Variants in MCMBP observed in about 807,000 individuals in gnomAD.
MCMBP encodes minichromosome maintenance complex binding protein.
Under a neutral mutation model 81.3 loss-of-function variants are expected in MCMBP, and 31 were observed. The observed-to-expected ratio is 0.38, with a 90% CI of 0.29 to 0.51. The LOEUF (loss-of-function observed/expected upper bound fraction) is 0.51. MCMBP is among the 20% of genes least tolerant of loss of function. The probability of loss-of-function intolerance (pLI) is 0.87; values close to 1 mark genes in which losing one functional copy is unlikely to be tolerated. For missense variants in MCMBP, 645 were observed against 772.1 expected, an observed-to-expected ratio of 0.84 and a Z score of 1.95; for synonymous variants, 267 against 275.9, an observed-to-expected ratio of 0.97 and a Z score of 0.32.
At chr10:119,859,711 A>C in intron 2 of MCMBP, 88 bp downstream of exon 2, 1 of 787,248 alleles carries the variant, frequency 1.3e-6, no homozygotes, top group South Asian at 2.2e-5. Context: ...ACATATTTTT[A>C]AATTACATGT....
At chr10:119,858,297 C>G (rs1853123304) in intron 4 of MCMBP, 1 of 152,206 alleles carries the variant, frequency 6.6e-6, no homozygotes, top group Non-Finnish European at 1.5e-5. Context: ...AAATAAAAGA[C>G]TCATTCTAGG....
At position 119,831,086 on chromosome 10, in the gene MCMBP, C is replaced by T. The variant is rs1025291452; in HGVS notation, c.*388G>A. 7 of 156,632 alleles carry T rather than the reference C, an allele frequency of 4.5e-5. No individual in the cohort carries two copies. The highest frequency in any genetic ancestry group is 1.9e-4 in the East Asian group (1 of 5,324). 9.7% of individuals were successfully genotyped at this position (156,632 alleles called of 1,614,324 possible). A position where few individuals can be genotyped will look rare whatever the true frequency, so the allele number is the denominator to read the frequency against. On this transcript the variant is annotated 3_prime_UTR_variant, in exon 16 of 16. Coordinates refer to ENST00000369077, the MANE Select transcript of MCMBP (RefSeq NM_001256378.2). ...AGAGAACTAGAAAACATAAGAAATC[C>T]GAAGCACGATTCCTCTGACTTTGAA...
intron 6 of MCMBP, among the ~76,000 whole-genome samples, chr10:119,850,985 G>C (rs1852804435): frequency 6.8e-6 from 1 of 148,130 alleles, no homozygotes; most frequent in African/African-American, 2.5e-5. Context: ...CAATTCTCCT[G>C]CCTCAGTCTC....
intron 5 of MCMBP, among the ~76,000 whole-genome samples, chr10:119,853,454 A>T (rs1478148262): frequency 6.6e-6 from 1 of 152,242 alleles, no homozygotes; most frequent in Non-Finnish European, 1.5e-5. Context: ...AACAGGGAGC[A>T]TAAGGTTATG....
At chr10:119,854,877 C>T (rs1216175048) in intron 5 of MCMBP, among the ~76,000 whole-genome samples, 3 of 151,342 alleles carry the variant, frequency 2.0e-5, no homozygotes, top group South Asian at 2.1e-4. Flanking sequence ...TCACTTGAAC[C>T]CGGGAAGCGG....
chr10:119,831,308 C>A lies in MCMBP; in HGVS notation c.*166G>T. The A allele has an allele frequency of 1.7e-6, 1 of 596,692 alleles. No homozygotes were observed. The highest frequency in any genetic ancestry group is 3.2e-5 in the South Asian group (1 of 31,614). 37.0% of individuals were successfully genotyped at this position (596,692 alleles called of 1,614,324 possible). ...CCATGAAATCAGTAAGGTAAAAGTC[C>A]TTACTGAATATCATATAAACATCAG... On this transcript the variant is annotated 3_prime_UTR_variant, in exon 16 of 16. Coordinates refer to ENST00000369077, the MANE Select transcript of MCMBP (RefSeq NM_001256378.2).
In MCMBP at chr10:119,836,883, T is replaced by C; in HGVS notation, c.1542+13A>G. On this transcript the variant is annotated intron_variant, in intron 13 of 15. Transcript: ENST00000369077. Reference sequence around the variant, plus strand: ...ATGTCAACCTCCCTCCATTTAAAAATGACTCATCATACCGGGAGGAGTGAC... The same window carrying C: ...ATGTCAACCTCCCTCCATTTAAAAACGACTCATCATACCGGGAGGAGTGAC... 1 of 1,560,660 alleles carries C rather than the reference T, an allele frequency of 6.4e-7. No individual in the cohort carries two copies. The highest frequency in any genetic ancestry group is 2.3e-5 in the East Asian group (1 of 42,862).
At chr10:119,858,856 A>G in intron 4 of MCMBP, 28 bp downstream of exon 4, 7 of 1,510,588 alleles carry the variant, frequency 4.6e-6, no homozygotes, top group Non-Finnish European at 6.3e-6. Flanking sequence ...CTTACTAAAA[A>G]TGTTTCATAT....
rs536339367 is a variant in MCMBP, at chr10:119,859,423, A to T, written c.145-242T>A. ...TTTGACCACAATGTAAAAGAATGCT[A>T]AAAAATGCTTTTCATTCAGAACACT... On this transcript the variant is annotated intron_variant, in intron 2 of 15. Transcript: ENST00000369077. Among the ~76,000 whole-genome samples the T allele has an allele frequency of 1.1e-3, 170 of 152,326 alleles. 1 individual carries two copies. The highest frequency in any genetic ancestry group is 3.7e-3 in the African/African-American group (154 of 41,576).
chr10:119,863,151 T>C (rs572437814), intron 1 of MCMBP, among the ~76,000 whole-genome samples: 3 of 152,192 alleles, frequency 2.0e-5, no homozygotes, highest in Non-Finnish European at 2.9e-5. Context: ...AGGTTTTTAA[T>C]TTTGATGAAG....
chr10:119,872,666 C>A lies in MCMBP; in HGVS notation c.-82G>T. ...CGGCCGGGCGGCCGGCGCCCAGCTC[C>A]TCTTCAGCGGCTCGGCCGCTCCTCG... On this transcript the variant is annotated 5_prime_UTR_variant, in exon 1 of 16. The change creates a new upstream start codon in the 5' untranslated region. Coordinates refer to ENST00000369077, the MANE Select transcript of MCMBP (RefSeq NM_001256378.2). The A allele has an allele frequency of 1.4e-6, 1 of 732,198 alleles. No homozygotes were observed. The highest frequency in any genetic ancestry group is 5.2e-5 in the Admixed American group (1 of 19,112). 45.4% of individuals were successfully genotyped at this position (732,198 alleles called of 1,614,324 possible).
At chr10:119,860,196 A>T (rs1467174933) in intron 1 of MCMBP, among the ~76,000 whole-genome samples, 1 of 152,216 alleles carries the variant, frequency 6.6e-6, no homozygotes, top group Non-Finnish European at 1.5e-5. Flanking sequence ...AAGGCCACCT[A>T]GATTCAGCAG....
intron 8 of MCMBP, among the ~76,000 whole-genome samples, chr10:119,844,271 G>T (rs896676102): frequency 6.6e-6 from 1 of 152,196 alleles, no homozygotes; most frequent in Non-Finnish European, 1.5e-5. Context: ...TAAATCTGCA[G>T]ATGATAGATT....
intron 1 of MCMBP, among the ~76,000 whole-genome samples, chr10:119,869,145 C>T (rs1853574831): frequency 6.6e-6 from 1 of 152,198 alleles, no homozygotes; most frequent in African/African-American, 2.4e-5. Flanking sequence ...TTGACAGTAG[C>T]ATTGGAGATG....
At chr10:119,833,667 C>A (rs896812918) in intron 14 of MCMBP, among the ~76,000 whole-genome samples, 5 of 152,054 alleles carry the variant, frequency 3.3e-5, no homozygotes, top group Non-Finnish European at 5.9e-5. Context: ...TGAGACCCCA[C>A]TGACCAAATA....
At chr10:119,850,343 G>A (rs1852766252) in intron 6 of MCMBP, among the ~76,000 whole-genome samples, 1 of 152,194 alleles carries the variant, frequency 6.6e-6, no homozygotes, top group African/African-American at 2.4e-5. Context: ...GGACGGAGGA[G>A]GCAGGAGAGT....
intron 12 of MCMBP, among the ~76,000 whole-genome samples, chr10:119,837,507 C>A (rs1852287643): frequency 6.6e-6 from 1 of 152,186 alleles, no homozygotes; most frequent in Non-Finnish European, 1.5e-5. Flanking sequence ...CACTGGTAAA[C>A]AATCTGCTTT....
chr10:119,836,920 A>C lies in MCMBP; in HGVS notation c.1518T>G (p.Thr506=), dbSNP rs1169508684. 1 of 1,612,570 alleles carries C rather than the reference A, an allele frequency of 6.2e-7. No homozygotes were observed. The highest frequency in any genetic ancestry group is 2.2e-5 in the East Asian group (1 of 44,838). ...EFPCNINVFI[T]SEGRSLLPAD... is the part of the protein sequence containing the mutation. The stretch of plus-strand genomic sequence containing the variant: ...CCGGGAGGAGTGACCTCCCCTCCGA[A>C]GTAATGAAAACGTTAATATTGCAGG... Residue 506 remains threonine (T), a synonymous_variant, in exon 13 of 16, where the codon ACT becomes ACG. Coordinates refer to ENST00000369077, the MANE Select transcript of MCMBP (RefSeq NM_001256378.2).
chr10:119,843,349 G>C lies in MCMBP; in HGVS notation c.905C>G (p.Ser302Ter). The C allele has an allele frequency of 6.2e-7, 1 of 1,614,100 alleles. No homozygotes were observed. Among genetic ancestry groups the C allele is most frequent in the Non-Finnish European group, 8.5e-7 (1 of 1,179,976 alleles). ...EEQRVHSPPA[S>*]LVPRIHVILA... The stretch of plus-strand genomic sequence containing the variant: ...GATCACATGAATTCTCGGCACTAAT[G>C]AAGCAGGAGGACTGTGTACTCTCTG... The change falls in exon 9 of 16, where the codon TCA (serine) becomes TGA (stop). Residue 302 changes from serine (S) to a stop codon, truncating the protein, a stop_gained. Coordinates refer to ENST00000369077, the MANE Select transcript of MCMBP (RefSeq NM_001256378.2). LOFTEE classifies it high-confidence loss of function.
Sources: gnomAD v4.1 joint callset for allele counts (sites outside exome capture counted in the v4.1 genomes callset) on GRCh38, gnomAD v4.1.1 for gene constraint, MANE v1.5 for transcripts, NCBI Gene and HGNC (gene_info 2026-07-23, HGNC 2026-07-21) for gene names.